The following RHCE variants were observed in gnomAD, a reference collection of about 807,000 sequenced individuals.
The protein encoded by RHCE is Rh blood group CcEe antigens.
Under a neutral mutation model 43.8 loss-of-function variants are expected in RHCE, and 22 were observed. That is an observed-to-expected ratio of 0.50 (90% CI 0.36 to 0.72). RHCE has a LOEUF of 0.72. RHCE is among the 30% of genes least tolerant of loss of function. The probability of loss-of-function intolerance (pLI) is 0.00; values close to 1 mark genes in which losing one functional copy is unlikely to be tolerated. For missense variants in RHCE, 385 were observed against 525.4 expected (o/e 0.73, Z 2.61); for synonymous variants, 156 against 210.7 (o/e 0.74, Z 2.25).
rs1384529725 is a variant in RHCE at position 25,408,251 on chromosome 1, C to T, written c.335+432G>A. On this transcript the variant is annotated intron_variant, in intron 2 of 9. Coordinates refer to ENST00000294413, the MANE Select transcript of RHCE (RefSeq NM_020485.8). ...GTGGTGTGCCGAGATAGCGCCATTG[C>T]ACTCCAGCCTGGGCAACAAAAGCGA... Among the ~76,000 whole-genome samples, 2 of 119,640 alleles carry T rather than the reference C, an allele frequency of 1.7e-5. 1 individual carries two copies. The highest frequency in any genetic ancestry group is 5.2e-5 in the African/African-American group (2 of 38,384). 78.5% of individuals were successfully genotyped at this position (119,640 alleles called of 152,430 possible).
chr1:25,405,749 G>C (rs1646897717), intron 2 of RHCE, among the ~76,000 whole-genome samples: 1 of 123,564 alleles, frequency 8.1e-6, no homozygotes, highest in African/African-American at 2.5e-5. Context: ...TTATCAGTAT[G>C]TGAGGAAAAC....
intron 5 of RHCE, among the ~76,000 whole-genome samples, chr1:25,390,493 G>A (rs1264387715): frequency 1.3e-5 from 2 of 152,306 alleles, no homozygotes; most frequent in South Asian, 2.1e-4. Flanking sequence ...TTCAAACTCA[G>A]GTCTGTTTCA....
rs567536031 is a variant in RHCE, at chr1:25,373,506, G to A, written c.1153+1843C>T. ...CACACAGACTCTGCCAAAAGCTAAGGCCAGACATTGGTATATTAAAGCAAT... is the reference window on the plus strand; with the variant it reads ...CACACAGACTCTGCCAAAAGCTAAGACCAGACATTGGTATATTAAAGCAAT... On this transcript the variant is annotated intron_variant, in intron 8 of 9. Transcript: ENST00000294413. Among the ~76,000 whole-genome samples the A allele has an allele frequency of 2.6e-5, 4 of 151,856 alleles. No individual in the cohort carries two copies. The South Asian group carries it at 8.3e-4, about 31-fold the overall frequency.
In RHCE at chr1:25,385,835, T is replaced by C; in HGVS notation, c.949A>G (p.Asn317Asp). ...GGAKCLPVCC[N>D]RVLGIHHISV... is the part of the protein sequence containing the mutation. The stretch of plus-strand genomic sequence containing the variant: ...ATGTGGTGAATCCCCAGCACTCGGT[T>C]ACAACACACCTGTGGACAAGTGTTA... Residue 317 changes from asparagine to aspartate, a missense_variant, in exon 7 of 10, where the codon AAC (asparagine) becomes GAC (aspartate). By Grantham distance (23) the Asn-to-Asp change is conservative. Around this residue, in one of 6 missense-constraint regions of RHCE, gnomAD observed 82 missense variants for 69.2 expected, o/e 1.18. Transcript: ENST00000294413. 2 of 1,614,032 alleles carry C rather than the reference T, an allele frequency of 1.2e-6. No individual in the cohort carries two copies. The highest frequency in any genetic ancestry group is 1.7e-6 in the Non-Finnish European group (2 of 1,180,004).
At chr1:25,423,284 C>T (rs904731672), upstream of RHCE, among the ~76,000 whole-genome samples, 4 of 152,164 alleles carry the variant, frequency 2.6e-5, no homozygotes, top group African/African-American at 9.7e-5. Flanking sequence ...GGATGTGACC[C>T]CTGCTAACCT....
chr1:25,371,313 G>A lies in RHCE; in HGVS notation c.1154-773C>T, dbSNP rs943569984. Reference sequence around the variant, plus strand: ...TTCCACTTGTGTAGTTAGGAAAGTAGCTTATAACTTGCTTAAGTGCCTGTC... The same window carrying A: ...TTCCACTTGTGTAGTTAGGAAAGTAACTTATAACTTGCTTAAGTGCCTGTC... On this transcript the variant is annotated intron_variant, in intron 8 of 9. Coordinates refer to ENST00000294413, the MANE Select transcript of RHCE (RefSeq NM_020485.8). Among the ~76,000 whole-genome samples, 10 of 151,612 alleles carry A rather than the reference G, an allele frequency of 6.6e-5. No homozygotes were observed. The East Asian group carries it at 1.9e-3, about 29-fold the overall frequency.
chr1:25,379,439 A>G (rs1645887691), intron 7 of RHCE, among the ~76,000 whole-genome samples: 1 of 134,834 alleles, frequency 7.4e-6, no homozygotes, highest in African/African-American at 2.7e-5. Context: ...AATTCATCCC[A>G]ATAGCACCAA....
intron 5 of RHCE, 21 bp from the exon 6 acceptor site, chr1:25,389,134 G>C: frequency 6.2e-7 from 1 of 1,612,730 alleles, no homozygotes; most frequent in Non-Finnish European, 8.5e-7. Context: ...ATAGCGTGTG[G>C]GTAAAGGAAG....
chr1:25,385,275 C>T (rs1646117047), intron 7 of RHCE, among the ~76,000 whole-genome samples: 1 of 152,224 alleles, frequency 6.6e-6, no homozygotes, highest in Non-Finnish European at 1.5e-5. Flanking sequence ...CCCAACAGCC[C>T]TGTGAGGGGA....
chr1:25,385,604 G>C (rs1173194000), intron 7 of RHCE, 107 bp downstream of exon 7: 1 of 1,496,336 alleles, frequency 6.7e-7, no homozygotes, highest in African/African-American at 1.4e-5. Flanking sequence ...GAAGCCTACT[G>C]AGCACCTGGC....
intron 2 of RHCE, among the ~76,000 whole-genome samples, chr1:25,403,146 C>T (rs1444368171): frequency 3.3e-5 from 5 of 152,106 alleles, no homozygotes; most frequent in East Asian, 1.9e-4. Context: ...ACTCTTCCCC[C>T]GCAGGCCTGC....
rs192522395 is a variant in RHCE, at chr1:25,395,687, T to C, written c.487-3546A>G. On this transcript the variant is annotated intron_variant, in intron 3 of 9. Coordinates refer to ENST00000294413, the MANE Select transcript of RHCE (RefSeq NM_020485.8). The stretch of plus-strand genomic sequence containing the variant: ...TTAAGCAGAGAGAAAAGGCAGAAAA[T>C]GGAAGTGTGTAAACCGGAATCCAGG... 5.4e-3 allele frequency among the ~76,000 whole-genome samples: 814 copies of C among 152,094 alleles called. 5 individuals carry two copies. Among genetic ancestry groups the C allele is most frequent in the African/African-American group, 0.018 (746 of 41,452 alleles).
chr1:25,425,170 CAG>C (rs1332177881), upstream of RHCE, among the ~76,000 whole-genome samples: 3 of 152,216 alleles, frequency 2.0e-5, no homozygotes, highest in African/African-American at 7.2e-5. Flanking sequence ...AACATAAAGA[CAG>C]GGACTTTTGA....
chr1:25,396,153 C>T (rs1358694464), intron 3 of RHCE, among the ~76,000 whole-genome samples: 2 of 152,038 alleles, frequency 1.3e-5, no homozygotes, highest in Non-Finnish European at 2.9e-5. Context: ...GAACAGCAGA[C>T]AAACCCACAT....
At chr1:25,425,080 G>T (rs966720878), upstream of RHCE, among the ~76,000 whole-genome samples, 1 of 152,162 alleles carries the variant, frequency 6.6e-6, no homozygotes, top group Non-Finnish European at 1.5e-5. Flanking sequence ...GCCTCGCAAA[G>T]TACTGGGATT....
intron 9 of RHCE, among the ~76,000 whole-genome samples, chr1:25,369,883 C>A (rs1645554706): frequency 6.6e-6 from 1 of 151,148 alleles, no homozygotes; most frequent in Non-Finnish European, 1.5e-5. Context: ...GGATTACAGG[C>A]ATGTGCTACC....
intron 1 of RHCE, among the ~76,000 whole-genome samples, chr1:25,419,202 C>T (rs1441335056): frequency 6.6e-6 from 1 of 152,152 alleles, no homozygotes; most frequent in Non-Finnish European, 1.5e-5. Flanking sequence ...AGAATAGTGC[C>T]TGGTACATAG....
In RHCE at chr1:25,406,776, C is replaced by T. The variant is rs1299475016; in HGVS notation, c.335+1907G>A. 2.7e-4 allele frequency among the ~76,000 whole-genome samples: 32 copies of T among 119,970 alleles called. 4 individuals carry two copies. Among genetic ancestry groups the T allele is most frequent in the African/African-American group, 7.7e-4 (30 of 39,046 alleles). 78.7% of individuals were successfully genotyped at this position (119,970 alleles called of 152,430 possible). ...GAGTGGCTGGGACTACAGGCGCCCG[C>T]CACCACGCCCAGCTAATTTTTTGTA... is the stretch of plus-strand genomic sequence containing the variant. On this transcript the variant is annotated intron_variant, in intron 2 of 9. Transcript: ENST00000294413.
chr1:25,374,782 C>A (rs532401251), intron 8 of RHCE, among the ~76,000 whole-genome samples: 5 of 32,892 alleles, frequency 1.5e-4, no homozygotes, highest in Admixed American at 3.4e-4. Context: ...GACCACCCCC[C>A]TAAAAGAACA....
Sources: gnomAD v4.1 joint callset for allele counts (sites outside exome capture counted in the v4.1 genomes callset) on GRCh38, gnomAD v4.1.1 for gene constraint, gnomAD v4.1.1 regional missense constraint, MANE v1.5 for transcripts, NCBI Gene and HGNC (gene_info 2026-07-23, HGNC 2026-07-21) for gene names.